MYH16: variants seen among roughly 807,000 people sequenced by gnomAD.
MYH16 encodes putative uncharacterized protein MYH16.
intron 3 of MYH16, among the ~76,000 whole-genome samples, chr7:99,248,615 T>TA (rs751534688): frequency 3.9e-5 from 6 of 152,162 alleles, no homozygotes; most frequent in Non-Finnish European, 8.8e-5. Context: ...AGGCAGGTCT[T>TA]AAACTCCTGG....
intron 22 of MYH16, 95 bp downstream of exon 4, chr7:99,279,832 C>A: frequency 2.7e-6 from 1 of 374,486 alleles, no homozygotes. Context: ...GTGCCCTGAC[C>A]ACTGACCACA....
intron 1 of MYH16, among the ~76,000 whole-genome samples, chr7:99,242,311 A>G (rs1791676150): frequency 2.0e-5 from 3 of 152,098 alleles, no homozygotes; most frequent in African/African-American, 7.2e-5. Context: ...TTATCCTTGA[A>G]GGTGGCTTGG....
At chr7:99,270,171 G>A (rs1167247049) in intron 18 of MYH16, among the ~76,000 whole-genome samples, 1 of 151,820 alleles carries the variant, frequency 6.6e-6, no homozygotes, top group African/African-American at 2.4e-5. Context: ...GGCCTGGGGG[G>A]ATTTTTAAAA....
chr7:99,297,306 G>A (rs898797697), intron 34 of MYH16, among the ~76,000 whole-genome samples: 6 of 151,992 alleles, frequency 3.9e-5, no homozygotes, highest in Admixed American at 6.6e-5. Flanking sequence ...GGTGGCGGGC[G>A]CCTGTAGTCC....
At chr7:99,262,073 C>CT in intron 13 of MYH16, 1 of 152,234 alleles carries the variant, frequency 6.6e-6, no homozygotes. Flanking sequence ...TATAAAGTGG[C>CT]TTTTTCACTC....
intron 37 of MYH16, among the ~76,000 whole-genome samples, chr7:99,301,243 G>A (rs1428103385): frequency 6.8e-6 from 1 of 147,066 alleles, no homozygotes. Flanking sequence ...TAAGAGGACA[G>A]AAGAGAGCGG....
At chr7:99,299,927 T>TTTTATTTA (rs61663432) in intron 37 of MYH16, among the ~76,000 whole-genome samples, 3,695 of 138,194 alleles carry the variant, frequency 0.027, 81 homozygotes, top group Middle Eastern at 0.041. Flanking sequence ...TTTTATTTTA[T>TTTTATTTA]TTTATTTATT....
chr7:99,276,256 T>C (rs931844219), intron 20 of MYH16, among the ~76,000 whole-genome samples: 1 of 152,244 alleles, frequency 6.6e-6, no homozygotes, highest in African/African-American at 2.4e-5. Context: ...AGGCTGGCAA[T>C]GAACGAGGTT....
exon 22 of MYH16, chr7:99,279,710 G>A (rs1025429172): frequency 4.8e-5 from 22 of 456,144 alleles, no homozygotes; most frequent in Admixed American, 3.3e-4. Flanking sequence ...TGGAAACCAC[G>A]CTGGCCAAGA....
chr7:99,277,536 C>G lies in MYH16; in HGVS notation n.2486-3C>G, dbSNP rs1792131935. On this transcript the variant is annotated splice_polypyrimidine_tract_variant and splice_region_variant and intron_variant and non_coding_transcript_variant, in intron 20 of 41. Transcript: ENST00000439784. Reference sequence around the variant, plus strand: ...ACACTCTTTGGTGTTGCTCATTGCCCAGGTCAAGCCACTCCTGAATGTGGC... The same window carrying G: ...ACACTCTTTGGTGTTGCTCATTGCCGAGGTCAAGCCACTCCTGAATGTGGC... 2.2e-6 allele frequency: 1 copy of G among 456,198 alleles called. No individual in the cohort carries two copies. Among genetic ancestry groups the G allele is most frequent in the South Asian group, 1.6e-5 (1 of 64,494 alleles). 28.3% of individuals were successfully genotyped at this position (456,198 alleles called of 1,614,324 possible).
chr7:99,302,953 T>G (rs1792623993), intron 38 of MYH16, 112 bp from the exon 20 acceptor site: 1 of 151,970 alleles, frequency 6.6e-6, no homozygotes. Context: ...CCCAGGGCCA[T>G]TTCCTGTTGG....
At chr7:99,241,930 C>T (rs193302561) in intron 1 of MYH16, among the ~76,000 whole-genome samples, 41 of 151,910 alleles carry the variant, frequency 2.7e-4, no homozygotes, top group African/African-American at 9.2e-4. Context: ...GCATGATCTC[C>T]GCTCACTGCA....
chr7:99,292,524 C>T lies in MYH16; in HGVS notation n.4149+16C>T. Reference sequence around the variant, plus strand: ...AGGAGACCAAGTGAGTGTGGTCTTCCTGTTGAGAGAGCCAGGTGGGCTGGG... The same window carrying T: ...AGGAGACCAAGTGAGTGTGGTCTTCTTGTTGAGAGAGCCAGGTGGGCTGGG... On this transcript the variant is annotated intron_variant and non_coding_transcript_variant, in intron 32 of 41. Transcript: ENST00000439784. The T allele has an allele frequency of 2.2e-6, 1 of 457,160 alleles. No individual in the cohort carries two copies. Among genetic ancestry groups the T allele is most frequent in the Non-Finnish European group, 4.4e-6 (1 of 226,578 alleles). 28.3% of individuals were successfully genotyped at this position (457,160 alleles called of 1,614,324 possible). A position where few individuals can be genotyped will look rare whatever the true frequency, so the allele number is the denominator to read the frequency against.
chr7:99,308,742 G>C (rs965286026), downstream of MYH16, among the ~76,000 whole-genome samples: 2 of 152,178 alleles, frequency 1.3e-5, no homozygotes, highest in African/African-American at 4.8e-5. Flanking sequence ...CCAGATACAT[G>C]GAGCCAGGGT....
In MYH16 at chr7:99,292,295, CA is replaced by C. The variant is rs1792395138; in HGVS notation, n.3953-16del. On this transcript the variant is annotated splice_polypyrimidine_tract_variant and intron_variant and non_coding_transcript_variant, in intron 31 of 41. Transcript: ENST00000439784. ...GTGGAAAGCCCCCACGGGCGCCTGA[CA>C]GGCTGGTCCCCACAGTCTCGCAGCA... is the stretch of plus-strand genomic sequence containing the variant. The C allele has an allele frequency of 4.4e-6, 2 of 452,454 alleles. No homozygotes were observed. Among genetic ancestry groups the C allele is most frequent in the Non-Finnish European group, 8.9e-6 (2 of 223,712 alleles). The allele number at this position is 452,454 out of a possible 1,614,324, so 28.0% of individuals were successfully genotyped here.
chr7:99,269,721 C>T (rs1449832103), intron 18 of MYH16, among the ~76,000 whole-genome samples: 1 of 152,166 alleles, frequency 6.6e-6, no homozygotes, highest in Non-Finnish European at 1.5e-5. Flanking sequence ...TGTTTCTAAG[C>T]TTCATCCTCA....
intron 5 of MYH16, among the ~76,000 whole-genome samples, chr7:99,250,277 T>C (rs956112755): frequency 1.3e-5 from 2 of 152,108 alleles, no homozygotes; most frequent in African/African-American, 4.8e-5. Flanking sequence ...CGAGGACTTG[T>C]TCTGCTGCCC....
chr7:99,276,297 T>C (rs1584348644), intron 20 of MYH16, among the ~76,000 whole-genome samples: 2 of 152,378 alleles, frequency 1.3e-5, no homozygotes, highest in East Asian at 1.9e-4. Flanking sequence ...AGGCGCAGGC[T>C]GTCCCTCCTC....
chr7:99,295,979 TA>T (rs1792484435), intron 33 of MYH16, among the ~76,000 whole-genome samples: 1 of 150,302 alleles, frequency 6.7e-6, no homozygotes, highest in Non-Finnish European at 1.5e-5. Flanking sequence ...CCATCTCTAC[TA>T]AAAATACAAA....
Sources: gnomAD v4.1 joint callset for allele counts (sites outside exome capture counted in the v4.1 genomes callset) on GRCh38, gnomAD v4.1.1 for gene constraint, MANE v1.5 for transcripts, NCBI Gene and HGNC (gene_info 2026-07-23, HGNC 2026-07-21) for gene names.